The following SPTBN1 variants were observed in gnomAD, a reference collection of about 807,000 sequenced individuals.
SPTBN1 encodes the protein spectrin beta chain, non-erythrocytic 1.
SPTBN1 carries 32 observed loss-of-function variants against 266.4 expected under a neutral mutation model. The ratio of observed to expected loss-of-function variants is 0.12; its 90% CI spans 0.09 to 0.16. The LOEUF (loss-of-function observed/expected upper bound fraction) is 0.16. SPTBN1 is among the 10% of genes least tolerant of loss of function. The pLI is 1.00. For missense variants in SPTBN1, 2,296 were observed against 3,067.1 expected (o/e 0.75, Z 5.94); for synonymous variants, 1,336 against 1,162.2 (o/e 1.15, Z -3.04).
At chr2:54,500,966 CGAG>C (rs775064521) in intron 1 of SPTBN1, among the ~76,000 whole-genome samples, 29 of 152,184 alleles carry the variant, frequency 1.9e-4, no homozygotes, top group Non-Finnish European at 4.1e-4. Flanking sequence ...TCTTTATAGA[CGAG>C]GAAATTGAGG....
chr2:54,612,890 T>G (rs900032676), intron 4 of SPTBN1, among the ~76,000 whole-genome samples: 1 of 152,196 alleles, frequency 6.6e-6, no homozygotes, highest in African/African-American at 2.4e-5. Flanking sequence ...TTGATGATGC[T>G]TTATGGGTTT....
intron 2 of SPTBN1, among the ~76,000 whole-genome samples, chr2:54,530,744 A>C (rs1671186333): frequency 6.6e-6 from 1 of 152,198 alleles, no homozygotes; most frequent in Non-Finnish European, 1.5e-5. Flanking sequence ...GCAGTATAAT[A>C]AGAAATATAT....
intron 2 of SPTBN1, among the ~76,000 whole-genome samples, chr2:54,532,710 C>G (rs1269175850): frequency 6.6e-6 from 1 of 152,204 alleles, no homozygotes; most frequent in Non-Finnish European, 1.5e-5. Flanking sequence ...GCCTTGGTAT[C>G]ATGGAACATG....
At chr2:54,613,994 A>G (rs1334784707) in intron 4 of SPTBN1, among the ~76,000 whole-genome samples, 1 of 152,210 alleles carries the variant, frequency 6.6e-6, no homozygotes, top group African/African-American at 2.4e-5. Context: ...AGCCCTTTTC[A>G]GGATTCTCAG....
chr2:54,592,594 A>G (rs1248084728), intron 2 of SPTBN1, among the ~76,000 whole-genome samples: 1 of 152,180 alleles, frequency 6.6e-6, no homozygotes, highest in Non-Finnish European at 1.5e-5. Context: ...CATGTTAGTC[A>G]GACTGGTCTC....
At position 54,645,794 on chromosome 2, in the gene SPTBN1, A is replaced by G. The variant is rs1478396769; in HGVS notation, c.4495-134A>G. ...TCGGAGAACAAGGGCGTGCTTCCCC[A>G]GACAGCCCTCCCGAGGGGGCTGAGC... On this transcript the variant is annotated intron_variant, in intron 21 of 35. Transcript: ENST00000356805. The surrounding 1 kb of genome is among the most constrained non-coding windows in gnomAD (Gnocchi z 4.3). 1.2e-5 allele frequency: 11 copies of G among 916,780 alleles called. No homozygotes were observed. Among genetic ancestry groups the G allele is most frequent in the Admixed American group, 2.3e-5 (1 of 44,106 alleles). The allele number at this position is 916,780 out of a possible 1,614,324, so 56.8% of individuals were successfully genotyped here. A position where few individuals can be genotyped will look rare whatever the true frequency, so the allele number is the denominator to read the frequency against.
intron 2 of SPTBN1, among the ~76,000 whole-genome samples, chr2:54,579,733 G>C (rs950231773): frequency 1.3e-5 from 2 of 152,210 alleles, no homozygotes; most frequent in African/African-American, 4.8e-5. Flanking sequence ...TAGGAGAATT[G>C]ATGAGAATGT....
rs192385080 is a variant in SPTBN1 at position 54,509,537 on chromosome 2, G to A, written c.-47-16835G>A. Among the ~76,000 whole-genome samples the A allele has an allele frequency of 9.8e-5, 15 of 152,352 alleles. No individual in the cohort carries two copies. In the East Asian group the frequency reaches 2.5e-3, roughly 25 times the overall value. ...GGCCAGCCTAAAACAGTAAGGTCAA[G>A]TTGTTGATCTGGTTCTCATTTATCC... On this transcript the variant is annotated intron_variant, in intron 1 of 35. Coordinates refer to ENST00000356805, the MANE Select transcript of SPTBN1 (RefSeq NM_003128.3).
intron 32 of SPTBN1, chr2:54,663,090 C>T (rs1353335202): frequency 6.6e-6 from 1 of 152,130 alleles, no homozygotes; most frequent in East Asian, 1.9e-4. Flanking sequence ...CTTTTTCCCC[C>T]CAAAATTAGT....
chr2:54,615,616 A>G (rs1041343019), intron 4 of SPTBN1, among the ~76,000 whole-genome samples: 2 of 152,316 alleles, frequency 1.3e-5, no homozygotes, highest in East Asian at 1.9e-4. Flanking sequence ...GAACCTGCCC[A>G]AGGGTACATG....
chr2:54,488,870 T>C (rs944364525), intron 1 of SPTBN1, among the ~76,000 whole-genome samples: 22 of 152,180 alleles, frequency 1.4e-4, no homozygotes, highest in African/African-American at 5.1e-4. Context: ...ATAAACTTGC[T>C]TGTATACAAT....
chr2:54,515,484 A>T (rs995872069), intron 1 of SPTBN1, among the ~76,000 whole-genome samples: 1 of 151,678 alleles, frequency 6.6e-6, no homozygotes, highest in African/African-American at 2.4e-5. Flanking sequence ...GTTTTTCATC[A>T]TTTTTTTCAT....
chr2:54,612,149 T>C lies in SPTBN1; in HGVS notation c.301-12T>C. ...GGGTGATGTGTCTCTACCTCTGCTC[T>C]CCTGTTTCTAGCCTAAACCCACCAA... is the stretch of plus-strand genomic sequence containing the variant. On this transcript the variant is annotated splice_polypyrimidine_tract_variant and intron_variant, in intron 3 of 35. Coordinates refer to ENST00000356805, the MANE Select transcript of SPTBN1 (RefSeq NM_003128.3). 1 of 1,579,418 alleles carries C rather than the reference T, an allele frequency of 6.3e-7. No individual in the cohort carries two copies. The highest frequency in any genetic ancestry group is 8.6e-7 in the Non-Finnish European group (1 of 1,158,614).
intron 1 of SPTBN1, among the ~76,000 whole-genome samples, chr2:54,520,097 C>T (rs940382751): frequency 6.6e-6 from 1 of 152,078 alleles, no homozygotes; most frequent in African/African-American, 2.4e-5. Context: ...GATGATGTCA[C>T]CAAGGAAGAT....
chr2:54,503,369 C>G (rs1405269697), intron 1 of SPTBN1, among the ~76,000 whole-genome samples: 1 of 152,192 alleles, frequency 6.6e-6, no homozygotes, highest in Non-Finnish European at 1.5e-5. Flanking sequence ...AGTGGCTTTG[C>G]AGTCAGAGCA....
intron 1 of SPTBN1, among the ~76,000 whole-genome samples, chr2:54,480,772 G>A (rs979188753): frequency 1.3e-5 from 2 of 152,168 alleles, no homozygotes; most frequent in Non-Finnish European, 2.9e-5. Context: ...CAGCAGCAGG[G>A]ATTTACATTT....
chr2:54,641,918 T>G (rs1679591527), intron 18 of SPTBN1, among the ~76,000 whole-genome samples: 1 of 152,230 alleles, frequency 6.6e-6, no homozygotes, highest in East Asian at 1.9e-4. Flanking sequence ...AGATCTTTGT[T>G]GGTAGAACCA....
intron 1 of SPTBN1, among the ~76,000 whole-genome samples, chr2:54,491,302 A>G (rs1668671802): frequency 6.6e-6 from 1 of 152,152 alleles, no homozygotes; most frequent in African/African-American, 2.4e-5. Flanking sequence ...CCAAAACCAT[A>G]CTCAAGGATT....
At chr2:54,507,361 T>TG in intron 1 of SPTBN1, among the ~76,000 whole-genome samples, 1 of 151,682 alleles carries the variant, frequency 6.6e-6, no homozygotes, top group Non-Finnish European at 1.5e-5. Context: ...GGGAAAATTT[T>TG]GGGGGGTGGT....
Sources: gnomAD v4.1 joint callset for allele counts (sites outside exome capture counted in the v4.1 genomes callset) on GRCh38, gnomAD v4.1.1 for gene constraint, Gnocchi (gnomAD v3.1) non-coding constraint, MANE v1.5 for transcripts, NCBI Gene and HGNC (gene_info 2026-07-23, HGNC 2026-07-21) for gene names.